FERMT2: variants seen among roughly 807,000 people sequenced by gnomAD.
The protein encoded by FERMT2 is FERM domain containing kindlin 2.
Under a neutral mutation model 82.7 loss-of-function variants are expected in FERMT2, and 15 were observed. The observed-to-expected ratio is 0.18, with a 90% confidence interval of 0.12 to 0.28. The LOEUF (loss-of-function observed/expected upper bound fraction) is 0.28, where lower values mean the gene tolerates loss of function less well. FERMT2 is among the 10% of genes least tolerant of loss of function. FERMT2 has a pLI of 1.00. For synonymous variants in FERMT2, 274 were observed against 271.5 expected (o/e 1.01, Z -0.09); for missense variants, 645 against 809.4 (o/e 0.80, Z 2.46).
At chr14:52,874,256 T>G (rs755970050) in intron 8 of FERMT2, 30 bp from the exon 9 acceptor site, 43 of 1,459,628 alleles carry the variant, frequency 2.9e-5, no homozygotes, top group South Asian at 1.3e-5. Context: ...TTTTTTAATT[T>G]TTTTAATATT....
chr14:52,922,556 T>C (rs1402200641), intron 2 of FERMT2, among the ~76,000 whole-genome samples: 1 of 151,976 alleles, frequency 6.6e-6, no homozygotes, highest in Non-Finnish European at 1.5e-5. Context: ...GCTCAAACAA[T>C]GTGGCCCAGG....
chr14:52,927,162 A>G (rs1269528336), intron 2 of FERMT2, among the ~76,000 whole-genome samples: 5 of 152,166 alleles, frequency 3.3e-5, no homozygotes, highest in Non-Finnish European at 7.3e-5. Flanking sequence ...TGTGTATTCT[A>G]AGGAACAGAA....
At chr14:52,893,535 CTGAGT>C (rs1887076760) in intron 3 of FERMT2, 108 bp from the exon 4 acceptor site, 2 of 830,274 alleles carry the variant, frequency 2.4e-6, no homozygotes, top group Admixed American at 2.8e-5. Context: ...TTCTGTATGT[CTGAGT>C]TGTGTCAGAC....
chr14:52,927,267 C>T (rs1430017082), intron 2 of FERMT2, among the ~76,000 whole-genome samples: 5 of 150,428 alleles, frequency 3.3e-5, no homozygotes, highest in African/African-American at 4.9e-5. Flanking sequence ...CATGAGTCAC[C>T]AAAAAGAAAA....
At chr14:52,902,868 CAAAAAAA>C (rs1252336097) in intron 3 of FERMT2, among the ~76,000 whole-genome samples, 3 of 5,548 alleles carry the variant, frequency 5.4e-4, no homozygotes, top group Admixed American at 3.4e-3. Context: ...GACTCCGTCT[CAAAAAAA>C]AAAAAAAAAA....
chr14:52,865,452 C>A (rs1885217060), intron 10 of FERMT2, among the ~76,000 whole-genome samples: 1 of 152,174 alleles, frequency 6.6e-6, no homozygotes. Flanking sequence ...TAGAGCTCTG[C>A]AGTCAGAGAG....
chr14:52,861,163 CA>C (rs1409684339), intron 12 of FERMT2: 7 of 698,466 alleles, frequency 1.0e-5, no homozygotes, highest in Admixed American at 6.8e-5. Context: ...AAAAGTCATG[CA>C]AAAAACTACT....
chr14:52,934,308 C>G (rs557825994), intron 2 of FERMT2, among the ~76,000 whole-genome samples: 1 of 152,180 alleles, frequency 6.6e-6, no homozygotes, highest in South Asian at 2.1e-4. Context: ...GAAAAAATAG[C>G]AAAACTAGTG....
At position 52,919,305 on chromosome 14, in the gene FERMT2, G is replaced by A. The variant is rs1415014823; in HGVS notation, c.209C>T (p.Thr70Ile). 6.2e-7 allele frequency: 1 copy of A among 1,613,984 alleles called. No individual in the cohort carries two copies. The highest frequency in any genetic ancestry group is 8.5e-7 in the Non-Finnish European group (1 of 1,179,922). The change falls in exon 3 of 15, where the codon ACT becomes ATT. Residue 70 changes from threonine (T) to isoleucine (I), a missense_variant. Physicochemically the swap from Thr to Ile is moderately conservative, Grantham distance 89 (BLOSUM62 -1). Coordinates refer to ENST00000341590, the MANE Select transcript of FERMT2 (RefSeq NM_006832.3). Reference protein sequence around the residue: ...DHALWWEKKRTWLLKTHWTLD... With the variant: ...DHALWWEKKRIWLLKTHWTLD... ...GGTCCAATGTGTCTTCAGAAGCCAA[G>A]TTCTCTTCTTTTCCCACCAGAGAGC...
intron 3 of FERMT2, among the ~76,000 whole-genome samples, chr14:52,899,689 T>C (rs529500040): frequency 3.9e-5 from 6 of 152,326 alleles, no homozygotes; most frequent in South Asian, 2.1e-4. Flanking sequence ...TGGGTAGCCA[T>C]TGGCTGCATA....
intron 10 of FERMT2, among the ~76,000 whole-genome samples, chr14:52,866,809 C>T (rs575692243): frequency 1.4e-4 from 22 of 152,258 alleles, no homozygotes; most frequent in African/African-American, 3.9e-4. Context: ...TTCCTGCCAC[C>T]GTACAAGATA....
intron 4 of FERMT2, among the ~76,000 whole-genome samples, chr14:52,885,625 G>A (rs1051809723): frequency 6.6e-6 from 1 of 152,048 alleles, no homozygotes; most frequent in Non-Finnish European, 1.5e-5. Flanking sequence ...GGGAGAAATA[G>A]AGTTCAAAAA....
intron 2 of FERMT2, among the ~76,000 whole-genome samples, chr14:52,933,115 C>G (rs533140594): frequency 8.1e-4 from 124 of 152,266 alleles, no homozygotes; most frequent in African/African-American, 2.9e-3. Context: ...AAGGCCTACA[C>G]CAAGATCACA....
At chr14:52,916,428 C>T (rs4901310) in intron 3 of FERMT2, among the ~76,000 whole-genome samples, 21,272 of 151,122 alleles carry the variant, frequency 0.14, 1,717 homozygotes, top group African/African-American at 0.22. Flanking sequence ...ATGCCTATTA[C>T]GAGGTGAAAG....
Position 52,875,433 on chromosome 14 carries a change from T to C in FERMT2, c.964-76A>G, listed in dbSNP as rs1015629398. ...AAAATGAAATTACTATCTGAATCTA[T>C]ATTTAATGCTTTTCAGGACCTAATT... is the stretch of plus-strand genomic sequence containing the variant. On this transcript the variant is annotated intron_variant, in intron 7 of 14. Transcript: ENST00000341590. 2.1e-5 allele frequency: 23 copies of C among 1,114,570 alleles called. No homozygotes were observed. The African/African-American group carries it at 3.0e-4, about 15-fold the overall frequency. 69.0% of individuals were successfully genotyped at this position (1,114,570 alleles called of 1,614,324 possible).
chr14:52,897,038 ACACACACAC>A (rs1297850605), intron 3 of FERMT2, among the ~76,000 whole-genome samples: 4 of 146,578 alleles, frequency 2.7e-5, no homozygotes, highest in African/African-American at 5.0e-5. Context: ...ACACACACAC[ACACACACAC>A]ACCATGGTAG....
chr14:52,877,208 C>T (rs990508142), intron 7 of FERMT2, among the ~76,000 whole-genome samples: 1 of 152,030 alleles, frequency 6.6e-6, no homozygotes, highest in African/African-American at 2.4e-5. Context: ...TTTTTTAATA[C>T]AAAAATAAAG....
chr14:52,950,689 C>G, intron 1 of FERMT2, 112 bp from the exon 2 acceptor site: 1 of 1,097,624 alleles, frequency 9.1e-7, no homozygotes, highest in Non-Finnish European at 1.3e-6. Flanking sequence ...GGACCCGGGG[C>G]TTTCGGCAGA....
chr14:52,864,340 G>T (rs1206834381), intron 12 of FERMT2, 61 bp downstream of exon 12: 1 of 1,284,084 alleles, frequency 7.8e-7, no homozygotes, highest in African/African-American at 1.5e-5. Context: ...GAAAAACAAA[G>T]TTATGTACAA....
Sources: gnomAD v4.1 joint callset for allele counts (sites outside exome capture counted in the v4.1 genomes callset) on GRCh38, gnomAD v4.1.1 for gene constraint, MANE v1.5 for transcripts, NCBI Gene and HGNC (gene_info 2026-07-23, HGNC 2026-07-21) for gene names.